Variants in ALDH7A1 observed in about 807,000 individuals in gnomAD.
ALDH7A1 encodes alpha-aminoadipic semialdehyde dehydrogenase.
Under a neutral mutation model 79.9 loss-of-function variants are expected in ALDH7A1, and 63 were observed. The observed-to-expected ratio is 0.79, with a 90% CI of 0.64 to 0.97. ALDH7A1 has a LOEUF of 0.97. Ranked by LOEUF, ALDH7A1 falls within the 50% of genes least tolerant of loss-of-function variation. The pLI is 0.00. For synonymous variants in ALDH7A1, 240 were observed against 231.2 expected (o/e 1.04, Z -0.34); for missense variants, 627 against 665.2 (o/e 0.94, Z 0.63).
chr5:126,582,577 T>C (rs569019223), intron 5 of ALDH7A1, among the ~76,000 whole-genome samples: 4 of 152,360 alleles, frequency 2.6e-5, no homozygotes, highest in African/African-American at 9.6e-5. Flanking sequence ...GTTAGAGCTC[T>C]TTGGGTATAT....
At chr5:126,546,250 G>A (rs1362874212) in intron 17 of ALDH7A1, 74 bp downstream of exon 17, 1 of 1,314,746 alleles carries the variant, frequency 7.6e-7, no homozygotes, top group Admixed American at 1.7e-5. Flanking sequence ...AGACAGCACA[G>A]ACAGTAGGAA....
intron 5 of ALDH7A1, chr5:126,581,674 T>C (rs1009670832): frequency 6.5e-6 from 1 of 152,936 alleles, no homozygotes; most frequent in Non-Finnish European, 1.5e-5. Flanking sequence ...AATATAAAAG[T>C]ATAAAACAGA....
chr5:126,574,060 C>A (rs1448719180), intron 7 of ALDH7A1, among the ~76,000 whole-genome samples: 1 of 149,556 alleles, frequency 6.7e-6, no homozygotes, highest in East Asian at 1.9e-4. Context: ...AACATATTAC[C>A]CTTGCTCTTT....
At chr5:126,564,004 G>C (rs574384158) in intron 9 of ALDH7A1, among the ~76,000 whole-genome samples, 1 of 151,788 alleles carries the variant, frequency 6.6e-6, no homozygotes, top group African/African-American at 2.4e-5. Context: ...CCAGGCTCTG[G>C]TCTCATTCCT....
chr5:126,584,292 A>C (rs1182275071), intron 3 of ALDH7A1: 3 of 423,690 alleles, frequency 7.1e-6, no homozygotes, highest in Non-Finnish European at 1.3e-5. Flanking sequence ...TTTAAAGACA[A>C]AGGAAATAAA....
chr5:126,566,651 G>C (rs980818641), intron 9 of ALDH7A1, among the ~76,000 whole-genome samples: 2 of 152,220 alleles, frequency 1.3e-5, no homozygotes, highest in Middle Eastern at 3.4e-3. Context: ...ACAAAGCTAT[G>C]TCTATACAAC....
chr5:126,556,043 T>G, intron 11 of ALDH7A1, 28 bp from the exon 12 acceptor site: 1 of 1,511,334 alleles, frequency 6.6e-7, no homozygotes, highest in Non-Finnish European at 9.2e-7. Context: ...TTCAAGGGCA[T>G]AGTATGATAA....
At chr5:126,549,166 A>T (rs1296901346) in intron 16 of ALDH7A1, among the ~76,000 whole-genome samples, 1 of 151,970 alleles carries the variant, frequency 6.6e-6, no homozygotes, top group African/African-American at 2.4e-5. Context: ...CAAAAGGAGA[A>T]GATAGACACT....
chr5:126,565,080 T>G (rs753020085), intron 9 of ALDH7A1, among the ~76,000 whole-genome samples: 1 of 152,192 alleles, frequency 6.6e-6, no homozygotes, highest in African/African-American at 2.4e-5. Context: ...AATCTTTTCA[T>G]GTGCTAATCG....
At chr5:126,550,755 A>G (rs1285423929) in intron 14 of ALDH7A1, among the ~76,000 whole-genome samples, 3 of 152,248 alleles carry the variant, frequency 2.0e-5, no homozygotes, top group Admixed American at 6.5e-5. Flanking sequence ...ACACAAAATT[A>G]TATTCTCTAG....
intron 3 of ALDH7A1, among the ~76,000 whole-genome samples, chr5:126,589,983 C>T (rs62391538): frequency 1.6e-4 from 22 of 134,304 alleles, no homozygotes; most frequent in African/African-American, 5.2e-4. Context: ...AAGTGAGGAG[C>T]GCCTCTGCCC....
chr5:126,550,001 G>A lies in ALDH7A1; in HGVS notation c.1417C>T (p.Pro473Ser). ...DLGRIFRWLG[P>S]KGSDCGIVNV... ...ACAATGCCACAGTCTGATCCTTTAG[G>A]TCTGTGTAAAAAGGGAGGCATGGTG... The change falls in exon 16 of 18, where the codon CCT (proline) becomes TCT (serine). Residue 473 changes from proline (P) to serine (S), a missense_variant and splice_region_variant. Transcript: ENST00000409134. 1 of 1,613,994 alleles carries A rather than the reference G, an allele frequency of 6.2e-7. No homozygotes were observed. The highest frequency in any genetic ancestry group is 8.5e-7 in the Non-Finnish European group (1 of 1,179,962).
chr5:126,593,941 A>G lies in ALDH7A1; in HGVS notation c.193-537T>C. On this transcript the variant is annotated intron_variant, in intron 1 of 17. Transcript: ENST00000409134. The stretch of plus-strand genomic sequence containing the variant: ...CACCGAGGTCTGAGGAGCAATTAAA[A>G]TTATCTGTATCTCCTACAGCCACTG... 1.5e-5 allele frequency: 4 copies of G among 270,612 alleles called. No individual in the cohort carries two copies. The South Asian group carries it at 1.5e-4, about 10-fold the overall frequency. The allele number at this position is 270,612 out of a possible 1,614,324, so 16.8% of individuals were successfully genotyped here.
Position 126,595,172 on chromosome 5 carries a change from A to T in ALDH7A1, c.27T>A (p.Cys9Ter). 6.4e-7 allele frequency: 1 copy of T among 1,553,578 alleles called. No homozygotes were observed. Among genetic ancestry groups the T allele is most frequent in the Non-Finnish European group, 8.7e-7 (1 of 1,147,896 alleles). ...GCTTGCTGGTCTTTGCAGCGTGCAC[A>T]CACAGCGCGCGAGGAAGGCGCCACA... MWRLPRALCVHAAKTSKLS... is the reference protein window; with the variant it reads MWRLPRAL Residue 9 changes from cysteine (C) to a stop codon, truncating the protein, a stop_gained, in exon 1 of 18, where the codon TGT becomes TGA. Transcript: ENST00000409134. LOFTEE classifies it high-confidence loss of function.
chr5:126,594,557 G>C (rs1581408517), intron 1 of ALDH7A1: 1 of 283,972 alleles, frequency 3.5e-6, no homozygotes, highest in Admixed American at 5.0e-5. Context: ...CGATTCTCCT[G>C]CCTCAGCCTC....
At chr5:126,567,042 A>G (rs1750606807) in intron 9 of ALDH7A1, among the ~76,000 whole-genome samples, 1 of 152,212 alleles carries the variant, frequency 6.6e-6, no homozygotes, top group Non-Finnish European at 1.5e-5. Context: ...GCATGCTTAT[A>G]CTGGTCCAAG....
intron 16 of ALDH7A1, among the ~76,000 whole-genome samples, chr5:126,547,896 A>T (rs911660051): frequency 1.3e-5 from 2 of 152,112 alleles, no homozygotes; most frequent in African/African-American, 4.8e-5. Context: ...CTAAAAAAAT[A>T]CAAAAATTAG....
At chr5:126,572,632 A>G (rs1480417785) in intron 7 of ALDH7A1, among the ~76,000 whole-genome samples, 4 of 152,194 alleles carry the variant, frequency 2.6e-5, no homozygotes, top group Non-Finnish European at 5.9e-5. Flanking sequence ...TGGGAATGCC[A>G]TGCTTTTTGG....
chr5:126,578,321 C>T (rs1173315876), intron 5 of ALDH7A1, among the ~76,000 whole-genome samples: 1 of 151,350 alleles, frequency 6.6e-6, no homozygotes, highest in Non-Finnish European at 1.5e-5. Context: ...ATGAATTACG[C>T]AAATCTTTAC....
Sources: allele counts gnomAD v4.1 joint callset (sites outside exome capture counted in the v4.1 genomes callset), GRCh38; gene constraint gnomAD v4.1.1; transcripts MANE v1.5; gene names NCBI Gene and HGNC (gene_info 2026-07-23, HGNC 2026-07-21).